Variants in NCAM2 observed in about 807,000 individuals in gnomAD.
NCAM2 encodes neural cell adhesion molecule 2.
NCAM2 carries 30 observed loss-of-function variants against 98.1 expected under a neutral mutation model. That is an observed-to-expected ratio of 0.31 (90% CI 0.23 to 0.41). The LOEUF (loss-of-function observed/expected upper bound fraction) is 0.41, where lower values mean the gene tolerates loss of function less well. Ranked by LOEUF, NCAM2 falls within the 10% of genes least tolerant of loss-of-function variation. The pLI, the probability that NCAM2 is intolerant of heterozygous loss-of-function variation, is 1.00. For synonymous variants in NCAM2, 368 were observed against 342.4 expected (o/e 1.07, Z -0.83); for missense variants, 867 against 1,005.8 (o/e 0.86, Z 1.87).
intron 1 of NCAM2, among the ~76,000 whole-genome samples, chr21:21,055,980 G>A (rs917758359): frequency 1.1e-4 from 16 of 151,930 alleles, no homozygotes; most frequent in African/African-American, 3.9e-4. Flanking sequence ...GATAAAAACA[G>A]TACACTCTTC....
intron 5 of NCAM2, among the ~76,000 whole-genome samples, chr21:21,304,775 G>C (rs1033991939): frequency 1.3e-5 from 2 of 152,044 alleles, no homozygotes; most frequent in African/African-American, 4.8e-5. Flanking sequence ...GAAAATCTCT[G>C]TATATTCAGG....
intron 1 of NCAM2, among the ~76,000 whole-genome samples, chr21:21,137,888 C>A (rs1053485540): frequency 6.7e-6 from 1 of 150,198 alleles, no homozygotes; most frequent in African/African-American, 2.5e-5. Context: ...CCTTGTATGA[C>A]TTTTGTCCTT....
At chr21:21,236,179 A>G (rs2070813446) in intron 1 of NCAM2, among the ~76,000 whole-genome samples, 1 of 147,412 alleles carries the variant, frequency 6.8e-6, no homozygotes, top group African/African-American at 2.5e-5. Context: ...ATAAATAAAT[A>G]AAGCGCTTCC....
chr21:21,317,603 G>C (rs1238965684), intron 5 of NCAM2, among the ~76,000 whole-genome samples: 1 of 151,938 alleles, frequency 6.6e-6, no homozygotes, highest in Non-Finnish European at 1.5e-5. Context: ...CACAATCACA[G>C]GTCACTACAA....
At chr21:21,404,869 T>A (rs1226130215) in intron 9 of NCAM2, among the ~76,000 whole-genome samples, 13 of 151,430 alleles carry the variant, frequency 8.6e-5, no homozygotes, top group African/African-American at 3.1e-4. Context: ...GTAAAGTTGC[T>A]TTTTTACAAA....
intron 14 of NCAM2, among the ~76,000 whole-genome samples, chr21:21,476,738 A>G (rs1006626453): frequency 3.3e-5 from 5 of 152,060 alleles, no homozygotes; most frequent in Non-Finnish European, 7.4e-5. Flanking sequence ...TGATATATTT[A>G]AAACTTAGTA....
intron 1 of NCAM2, chr21:21,210,690 A>G: frequency 4.0e-6 from 5 of 1,237,068 alleles, no homozygotes; most frequent in Non-Finnish European, 5.2e-6. Context: ...ATTACAGGAC[A>G]GGTCAGCTGG....
At chr21:21,068,175 C>T (rs1469710975) in intron 1 of NCAM2, among the ~76,000 whole-genome samples, 3 of 127,112 alleles carry the variant, frequency 2.4e-5, no homozygotes, top group African/African-American at 3.1e-5. Context: ...CTTGCTCTGT[C>T]GCCTAGGCTG....
intron 10 of NCAM2, among the ~76,000 whole-genome samples, chr21:21,414,705 G>A (rs2076954448): frequency 6.6e-6 from 1 of 151,848 alleles, no homozygotes; most frequent in African/African-American, 2.4e-5. Context: ...TCCTGACCTC[G>A]TGATCCGCCT....
chr21:21,070,424 T>A (rs2065537856), intron 1 of NCAM2, among the ~76,000 whole-genome samples: 2 of 151,950 alleles, frequency 1.3e-5, no homozygotes, highest in Non-Finnish European at 2.9e-5. Context: ...TGCACTAATA[T>A]AACAAACAGA....
At chr21:21,494,584 G>A (rs974391997) in intron 15 of NCAM2, among the ~76,000 whole-genome samples, 1 of 151,044 alleles carries the variant, frequency 6.6e-6, no homozygotes, top group African/African-American at 2.5e-5. Flanking sequence ...AATTTAAACA[G>A]TATTTGGAAA....
intron 1 of NCAM2, among the ~76,000 whole-genome samples, chr21:21,036,990 A>C (rs1236950778): frequency 6.6e-6 from 1 of 152,156 alleles, no homozygotes; most frequent in African/African-American, 2.4e-5. Flanking sequence ...TCCTCTCTTT[A>C]GGCCCACTAA....
chr21:21,195,261 A>AGT, intron 1 of NCAM2, among the ~76,000 whole-genome samples: 1 of 152,368 alleles, frequency 6.6e-6, no homozygotes, highest in Non-Finnish European at 1.5e-5. Flanking sequence ...CCCTCAACTT[A>AGT]GTAACGTAAA....
intron 12 of NCAM2, among the ~76,000 whole-genome samples, chr21:21,437,487 T>TGTGTGTGTGTGC (rs2146060388): frequency 6.6e-6 from 1 of 151,918 alleles, no homozygotes; most frequent in South Asian, 2.1e-4. Context: ...TGTGTGTGTG[T>TGTGTGTGTGTGC]GTGTGTGTGT....
intron 1 of NCAM2, among the ~76,000 whole-genome samples, chr21:21,128,480 C>A (rs555021609): frequency 6.6e-6 from 1 of 152,182 alleles, no homozygotes; most frequent in East Asian, 1.9e-4. Context: ...AGATTAAGAT[C>A]TTTCCTTAAT....
At chr21:21,176,122 A>G (rs1009814506) in intron 1 of NCAM2, among the ~76,000 whole-genome samples, 1 of 152,214 alleles carries the variant, frequency 6.6e-6, no homozygotes, top group African/African-American at 2.4e-5. Context: ...CTGAGATACC[A>G]CTGTGACAAA....
Position 21,538,029 on chromosome 21 carries a change from T to G in NCAM2, c.*72T>G, listed in dbSNP as rs1990078806. ...TTGCGTGACCCTATGACCAAAACTA[T>G]TCCATTGACCTTAATTTCTTGGGAA... On this transcript the variant is annotated 3_prime_UTR_variant, in exon 18 of 18. Transcript: ENST00000400546. 3.8e-6 allele frequency: 3 copies of G among 797,510 alleles called. No individual in the cohort carries two copies. Among genetic ancestry groups the G allele is most frequent in the Admixed American group, 6.0e-5 (2 of 33,066 alleles). The allele number at this position is 797,510 out of a possible 1,614,324, so 49.4% of individuals were successfully genotyped here.
chr21:21,303,099 A>G (rs1173326119), intron 5 of NCAM2, among the ~76,000 whole-genome samples: 2 of 151,984 alleles, frequency 1.3e-5, no homozygotes, highest in African/African-American at 4.8e-5. Context: ...AGAATACTAG[A>G]GCAGGGAGGG....
At chr21:21,066,765 T>C (rs1224940691) in intron 1 of NCAM2, among the ~76,000 whole-genome samples, 3 of 152,108 alleles carry the variant, frequency 2.0e-5, no homozygotes, top group Non-Finnish European at 4.4e-5. Context: ...TTTAAGCCTA[T>C]AGCAAGCTAA....
Sources: gnomAD v4.1 joint callset for allele counts (sites outside exome capture counted in the v4.1 genomes callset) on GRCh38, gnomAD v4.1.1 for gene constraint, MANE v1.5 for transcripts, NCBI Gene and HGNC (gene_info 2026-07-23, HGNC 2026-07-21) for gene names.